ENTPD1: variants seen among roughly 807,000 people sequenced by gnomAD.
ENTPD1 encodes the protein ATP diphosphohydrolase.
In ENTPD1, 33 loss-of-function variants were observed where a neutral mutation model predicts 57.0. That is an observed-to-expected ratio of 0.58 (90% confidence interval 0.44 to 0.77). ENTPD1 has a LOEUF of 0.77. Ranked by LOEUF, ENTPD1 falls within the 30% of genes least tolerant of loss-of-function variation. The probability of loss-of-function intolerance (pLI) is 0.00; values close to 1 mark genes in which losing one functional copy is unlikely to be tolerated. For synonymous variants in ENTPD1, 202 were observed against 218.8 expected, an observed-to-expected ratio of 0.92 and a Z score of 0.68; for missense variants, 501 against 603.4, an observed-to-expected ratio of 0.83 and a Z score of 1.78.
At chr10:95,804,777 C>T (rs1440053390) in intron 1 of ENTPD1, among the ~76,000 whole-genome samples, 1 of 152,156 alleles carries the variant, frequency 6.6e-6, no homozygotes, top group Non-Finnish European at 1.5e-5. Context: ...GGGAATGCTT[C>T]CAGTTTTTGC....
chr10:95,864,657 G>C (rs576447235), intron 8 of ENTPD1, 67 bp from the exon 9 acceptor site: 609 of 1,605,368 alleles, frequency 3.8e-4, no homozygotes, highest in Non-Finnish European at 4.6e-4. Flanking sequence ...AGGGCTAGTA[G>C]AGAAAAAGAG....
chr10:95,807,496 T>A (rs1335418816), intron 1 of ENTPD1, among the ~76,000 whole-genome samples: 1 of 152,208 alleles, frequency 6.6e-6, no homozygotes, highest in Non-Finnish European at 1.5e-5. Flanking sequence ...CTGCTTCAGC[T>A]CACCCTCTGT....
At chr10:95,723,909 C>T (rs780399428) in intron 1 of ENTPD1, among the ~76,000 whole-genome samples, 1 of 151,942 alleles carries the variant, frequency 6.6e-6, no homozygotes, top group African/African-American at 2.4e-5. Context: ...CGCCTGTAAT[C>T]CCAGCACTTT....
chr10:95,826,806 T>C (rs991442691), intron 2 of ENTPD1, among the ~76,000 whole-genome samples: 3 of 151,980 alleles, frequency 2.0e-5, no homozygotes, highest in African/African-American at 7.3e-5. Flanking sequence ...TTTGCAAAGA[T>C]CACTCTGATT....
chr10:95,823,146 A>T (rs2098359745), intron 1 of ENTPD1, 91 bp from the exon 2 acceptor site: 2 of 1,498,118 alleles, frequency 1.3e-6, no homozygotes, highest in Non-Finnish European at 1.9e-6. Flanking sequence ...TGATGTCTCC[A>T]GGTAGCCATT....
chr10:95,695,941 C>T, the ENTPD1 span, among the ~76,000 whole-genome samples: 1 of 151,946 alleles, frequency 6.6e-6, no homozygotes, highest in African/African-American at 2.4e-5. Flanking sequence ...TTTTTGCAAC[C>T]AATTTACCAT....
At chr10:95,838,903 C>T (rs974735306) in intron 2 of ENTPD1, among the ~76,000 whole-genome samples, 3 of 152,118 alleles carry the variant, frequency 2.0e-5, no homozygotes. Context: ...CCTTCTTCTC[C>T]TCTGCTGACT....
At chr10:95,823,180 G>A (rs2098359944) in intron 1 of ENTPD1, 57 bp from the exon 2 acceptor site, 1 of 1,608,078 alleles carries the variant, frequency 6.2e-7, no homozygotes, top group African/African-American at 1.3e-5. Context: ...GAAAGGGGAG[G>A]AAAATCAGTG....
intron 1 of ENTPD1, among the ~76,000 whole-genome samples, chr10:95,787,792 G>A (rs1409496951): frequency 6.6e-6 from 1 of 152,066 alleles, no homozygotes; most frequent in African/African-American, 2.4e-5. Flanking sequence ...GACTAAAACA[G>A]TACAGTTCTT....
chr10:95,758,125 C>T (rs559721189), intron 1 of ENTPD1, among the ~76,000 whole-genome samples: 14 of 151,940 alleles, frequency 9.2e-5, no homozygotes. Context: ...CCACCCCAAG[C>T]TGCGCCTCAT....
At chr10:95,708,218 ATTTTTT>A (rs35550452), upstream of ENTPD1, among the ~76,000 whole-genome samples, 3 of 147,834 alleles carry the variant, frequency 2.0e-5, no homozygotes, top group African/African-American at 7.5e-5. Flanking sequence ...TTTTTATTTT[ATTTTTT>A]TTTTTTTTGA....
chr10:95,873,736 T>C lies in ENTPD1; in HGVS notation c.*7353T>C, dbSNP rs1229931104. 1 of 972,640 alleles carries C rather than the reference T, an allele frequency of 1.0e-6. No homozygotes were observed. Among genetic ancestry groups the C allele is most frequent in the African/African-American group, 1.8e-5 (1 of 56,964 alleles). 60.3% of individuals were successfully genotyped at this position (972,640 alleles called of 1,614,324 possible). A position where few individuals can be genotyped will look rare whatever the true frequency, so the allele number is the denominator to read the frequency against. ...CGTTTCCATGCTGCTGATAAAGACA[T>C]ATCTGAGACTGGAAACAAAAAGGGT... On this transcript the variant is annotated 3_prime_UTR_variant, in exon 10 of 10. Coordinates refer to ENST00000371205, the MANE Select transcript of ENTPD1 (RefSeq NM_001776.6).
At chr10:95,851,891 C>T (rs887283145) in intron 7 of ENTPD1, among the ~76,000 whole-genome samples, 3 of 152,024 alleles carry the variant, frequency 2.0e-5, no homozygotes, top group Admixed American at 1.3e-4. Flanking sequence ...AGTAAACATA[C>T]GTGTGCATGT....
At chr10:95,862,496 C>G (rs1381297797) in intron 8 of ENTPD1, among the ~76,000 whole-genome samples, 3 of 152,212 alleles carry the variant, frequency 2.0e-5, no homozygotes, top group African/African-American at 7.2e-5. Flanking sequence ...CATTTGCTTG[C>G]TGTGCTTTAT....
chr10:95,783,064 G>A (rs908370257), intron 1 of ENTPD1, among the ~76,000 whole-genome samples: 7 of 152,102 alleles, frequency 4.6e-5, no homozygotes, highest in African/African-American at 9.6e-5. Context: ...GTATGTATCC[G>A]TTGTCTCCTA....
chr10:95,697,059 G>A, the ENTPD1 span, among the ~76,000 whole-genome samples: 1 of 152,200 alleles, frequency 6.6e-6, no homozygotes, highest in Non-Finnish European at 1.5e-5. Context: ...AAGGCACATG[G>A]GATGGAATTG....
At chr10:95,697,312 G>A in the ENTPD1 span, among the ~76,000 whole-genome samples, 21 of 152,038 alleles carry the variant, frequency 1.4e-4, no homozygotes, top group Non-Finnish European at 2.2e-4. Context: ...TGGGGGTGGC[G>A]GGAGGCAGTC....
intron 6 of ENTPD1, 131 bp downstream of exon 6, chr10:95,845,727 A>G: frequency 6.6e-7 from 1 of 1,520,452 alleles, no homozygotes; most frequent in Middle Eastern, 1.7e-4. Context: ...CTTTTTAGGC[A>G]GGATATTGAA....
rs1033246962 is a variant in ENTPD1 at position 95,823,333 on chromosome 10, C to T, written c.113C>T (p.Thr38Ile). Residue 38 changes from threonine to isoleucine, a missense_variant, in exon 2 of 10, where the codon ACC (threonine) becomes ATC (isoleucine). Coordinates refer to ENST00000371205, the MANE Select transcript of ENTPD1 (RefSeq NM_001776.6). ...AVIALLAVGL[T>I]QNKALPENVK... Reference sequence around the variant, plus strand: ...ATAGCTTTGCTTGCTGTGGGGTTGACCCAGAACAAAGCATTGCCAGAAAAC... The same window carrying T: ...ATAGCTTTGCTTGCTGTGGGGTTGATCCAGAACAAAGCATTGCCAGAAAAC... The T allele has an allele frequency of 4.3e-6, 7 of 1,613,992 alleles. No homozygotes were observed. The highest frequency in any genetic ancestry group is 4.2e-6 in the Non-Finnish European group (5 of 1,180,010).
Sources: allele counts gnomAD v4.1 joint callset (sites outside exome capture counted in the v4.1 genomes callset), GRCh38; gene constraint gnomAD v4.1.1; transcripts MANE v1.5; gene names NCBI Gene and HGNC (gene_info 2026-07-23, HGNC 2026-07-21).